NTMT1: variants seen among roughly 807,000 people sequenced by gnomAD.
The protein encoded by NTMT1 is N-terminal RCC1 methyltransferase.
In NTMT1, 8 loss-of-function variants were observed where a neutral mutation model predicts 17.5. The observed-to-expected ratio is 0.46, with a 90% confidence interval of 0.27 to 0.82. The LOEUF is 0.82. Ranked by LOEUF, NTMT1 falls within the 40% of genes least tolerant of loss-of-function variation. NTMT1 has a pLI of 0.15. For synonymous variants in NTMT1, 128 were observed against 126.8 expected (o/e 1.01, Z -0.06); for missense variants, 221 against 303.5 (o/e 0.73, Z 2.02).
intron 1 of NTMT1, among the ~76,000 whole-genome samples, chr9:129,610,192 G>A (rs1207655529): frequency 7.8e-6 from 1 of 128,872 alleles, no homozygotes; most frequent in Non-Finnish European, 1.7e-5. Context: ...AGGGGAGGGG[G>A]GAGGAGGGGG....
chr9:129,612,615 C>T (rs915627313), intron 1 of NTMT1, among the ~76,000 whole-genome samples: 3 of 152,354 alleles, frequency 2.0e-5, no homozygotes, highest in South Asian at 2.1e-4. Flanking sequence ...CGGTGGCTCT[C>T]GCCTGTAATC....
rs1252058742 is a variant in NTMT1 at position 129,632,885 on chromosome 9, T to C, written c.162+20T>C. 4.3e-6 allele frequency: 7 copies of C among 1,609,816 alleles called. No individual in the cohort carries two copies. Among genetic ancestry groups the C allele is most frequent in the Non-Finnish European group, 5.9e-6 (7 of 1,177,170 alleles). On this transcript the variant is annotated intron_variant, in intron 2 of 3. Transcript: ENST00000372483. Reference sequence around the variant, plus strand: ...TTGAGGGTAGGCAGGTCTGGCGTGCTCTCCAGGAGAGGCTGTGGCTCTGGT... The same window carrying C: ...TTGAGGGTAGGCAGGTCTGGCGTGCCCTCCAGGAGAGGCTGTGGCTCTGGT...
At position 129,620,658 on chromosome 9, in the gene NTMT1, C is replaced by T; in HGVS notation, c.-55+11480C>T. ...TGAGGTGGGGAGGGCATAGTCCAGC[C>T]CCAGGCCATAGTGCCCCGGGCGGGG... On this transcript the variant is annotated intron_variant, in intron 1 of 3. Coordinates refer to the NTMT1 transcript ENST00000372486. This position sits in a 1 kb window ranked among gnomAD's most constrained non-coding sequence, Gnocchi z 5.8. 8.2e-7 allele frequency: 1 copy of T among 1,212,636 alleles called. No homozygotes were observed. The allele number at this position is 1,212,636 out of a possible 1,614,324, so 75.1% of individuals were successfully genotyped here. A position where few individuals can be genotyped will look rare whatever the true frequency, so the allele number is the denominator to read the frequency against.
In NTMT1 at chr9:129,636,030, T is replaced by A. The variant is rs2118998904; in HGVS notation, c.*566T>A. The A allele has an allele frequency of 6.5e-6, 1 of 152,688 alleles. No individual in the cohort carries two copies. The highest frequency in any genetic ancestry group is 2.1e-4 in the South Asian group (1 of 4,864). 9.5% of individuals were successfully genotyped at this position (152,688 alleles called of 1,614,324 possible). A position where few individuals can be genotyped will look rare whatever the true frequency, so the allele number is the denominator to read the frequency against. On this transcript the variant is annotated 3_prime_UTR_variant, in exon 4 of 4. Transcript: ENST00000372483. ...TTACAACAGCCTGCAGCAAGGGAAG[T>A]TCCCCGTAGCCTCAGTCTTCTCTGG...
At chr9:129,621,990 C>T (rs545463280), upstream of NTMT1, among the ~76,000 whole-genome samples, 4 of 152,314 alleles carry the variant, frequency 2.6e-5, no homozygotes, top group South Asian at 8.3e-4. Context: ...CACCCCTGGG[C>T]ATCTGAGTAG....
At chr9:129,615,473 T>C in intron 1 of NTMT1, 3 of 1,571,708 alleles carry the variant, frequency 1.9e-6, no homozygotes, top group South Asian at 1.2e-5. Context: ...CTCCCCATCC[T>C]GTCTGCTTAC....
At chr9:129,628,603 C>T (rs138614155) in intron 1 of NTMT1, 20 of 152,308 alleles carry the variant, frequency 1.3e-4, no homozygotes, top group Non-Finnish European at 2.1e-4. Context: ...TATTTGGCAA[C>T]CAGTTAGTCA....
intron 1 of NTMT1, among the ~76,000 whole-genome samples, chr9:129,611,406 C>A (rs1830112670): frequency 6.6e-6 from 1 of 152,192 alleles, no homozygotes; most frequent in Non-Finnish European, 1.5e-5. Context: ...CTTTCGCCAC[C>A]TCCTGATGCA....
intron 1 of NTMT1, among the ~76,000 whole-genome samples, chr9:129,631,636 G>C (rs1831170731): frequency 6.6e-6 from 1 of 152,224 alleles, no homozygotes; most frequent in South Asian, 2.1e-4. Flanking sequence ...TGCTCTGTAG[G>C]ATGCAGTCGA....
chr9:129,635,265 G>C lies in NTMT1; in HGVS notation c.473G>C (p.Arg158Pro), dbSNP rs1438440440. The C allele has an allele frequency of 6.2e-7, 1 of 1,613,140 alleles. No homozygotes were observed. Among genetic ancestry groups the C allele is most frequent in the African/African-American group, 1.3e-5 (1 of 74,898 alleles). Residue 158 changes from arginine (R) to proline (P), a missense_variant, in exon 4 of 4, where the codon CGC becomes CCC. Arg to Pro is a moderately radical substitution (Grantham distance 103). Transcript: ENST00000372483. ...CTGCGGCGCTGCAAGGGCAGCCTCC[G>C]CCCCAACGGCATCATCGTCATCAAA... ...EFLRRCKGSL[R>P]PNGIIVIKDN...
intron 1 of NTMT1, among the ~76,000 whole-genome samples, chr9:129,610,353 G>GGGTC (rs1292062358): frequency 2.7e-5 from 4 of 150,782 alleles, no homozygotes; most frequent in Non-Finnish European, 5.9e-5. Context: ...GTGGAGTCCG[G>GGGTC]GGTCGCGGGG....
upstream of NTMT1, among the ~76,000 whole-genome samples, chr9:129,625,773 A>T (rs1564343727): frequency 6.6e-6 from 1 of 152,106 alleles, no homozygotes; most frequent in Non-Finnish European, 1.5e-5. Flanking sequence ...ACACTTCGGA[A>T]GGCAGAGGCG....
chr9:129,610,885 G>A (rs72768086), intron 1 of NTMT1, among the ~76,000 whole-genome samples: 11,082 of 152,238 alleles, frequency 0.073, 514 homozygotes, highest in African/African-American at 0.12. Flanking sequence ...CAGAAAGGGA[G>A]ACAGAAGGGA....
intron 1 of NTMT1, among the ~76,000 whole-genome samples, chr9:129,618,524 A>C (rs1588120871): frequency 6.6e-6 from 1 of 152,128 alleles, no homozygotes; most frequent in East Asian, 1.9e-4. Flanking sequence ...TGGCTGGATG[A>C]TTATGTAGAT....
rs1831236306 is a variant in NTMT1, at chr9:129,632,770, A to C, written c.67A>C (p.Ile23Leu). The C allele has an allele frequency of 6.2e-7, 1 of 1,614,156 alleles. No individual in the cohort carries two copies. The highest frequency in any genetic ancestry group is 8.5e-7 in the Non-Finnish European group (1 of 1,180,028). Residue 23 changes from isoleucine to leucine, a missense_variant, in exon 2 of 4, where the codon ATC (isoleucine) becomes CTC (leucine). By Grantham distance (5) the Ile-to-Leu change is conservative. Coordinates refer to ENST00000372483, the MANE Select transcript of NTMT1 (RefSeq NM_014064.4). Reference protein sequence around the residue: ...YSKAKTYWKQIPPTVDGMLGG... With the variant: ...YSKAKTYWKQLPPTVDGMLGG... ...CAAGGCCAAGACCTACTGGAAACAA[A>C]TCCCACCCACGGTGGACGGCATGCT...
chr9:129,618,873 T>G (rs1327296640), intron 1 of NTMT1, among the ~76,000 whole-genome samples: 16 of 149,776 alleles, frequency 1.1e-4, no homozygotes, highest in African/African-American at 2.9e-4. Flanking sequence ...TTTGTGTTTT[T>G]TTTTTTTTTT....
At chr9:129,617,225 G>A (rs147993426) in intron 1 of NTMT1, among the ~76,000 whole-genome samples, 1 of 152,340 alleles carries the variant, frequency 6.6e-6, no homozygotes, top group Non-Finnish European at 1.5e-5. Flanking sequence ...GTATGTCTGT[G>A]TAGATGCAGA....
In NTMT1 at chr9:129,614,692, C is replaced by T. The variant is rs1293234208; in HGVS notation, c.-55+5514C>T. The stretch of plus-strand genomic sequence containing the variant: ...GCAGAGGCAGGTGGATCCCTGAGGT[C>T]AGGAGTTCGAGACCACCCTGGTCAA... On this transcript the variant is annotated intron_variant, in intron 1 of 3. Transcript: ENST00000372486. The surrounding 1 kb of genome is among the most constrained non-coding windows in gnomAD (Gnocchi z 4.4). Among the ~76,000 whole-genome samples, 1 of 152,142 alleles carries T rather than the reference C, an allele frequency of 6.6e-6. No homozygotes were observed. Among genetic ancestry groups the T allele is most frequent in the African/African-American group, 2.4e-5 (1 of 41,432 alleles).
upstream of NTMT1, among the ~76,000 whole-genome samples, chr9:129,623,670 A>G (rs942407261): frequency 8.5e-5 from 13 of 152,118 alleles, no homozygotes; most frequent in South Asian, 2.1e-4. Flanking sequence ...TTTTCTGTCA[A>G]TGCTTCTCAC....
Sources: allele counts gnomAD v4.1 joint callset (sites outside exome capture counted in the v4.1 genomes callset), GRCh38; gene constraint gnomAD v4.1.1; non-coding constraint Gnocchi (gnomAD v3.1); transcripts MANE v1.5; gene names NCBI Gene and HGNC (gene_info 2026-07-23, HGNC 2026-07-21).